Variants in CAMKMT observed in about 807,000 individuals in gnomAD.
CAMKMT encodes the protein calmodulin-lysine N-methyltransferase, also known as CaM KMT.
CAMKMT carries 53 observed loss-of-function variants against 48.0 expected under a neutral mutation model. The ratio of observed to expected loss-of-function variants is 1.10; its 90% confidence interval spans 0.89 to 1.39. The LOEUF (loss-of-function observed/expected upper bound fraction) is 1.39. Ranked by LOEUF, CAMKMT falls within the 40% of genes most tolerant of loss-of-function variation. The probability of loss-of-function intolerance (pLI) is 0.00; values close to 1 mark genes in which losing one functional copy is unlikely to be tolerated. For synonymous variants in CAMKMT, 165 were observed against 152.3 expected (o/e 1.08, Z -0.61); for missense variants, 428 against 402.7 (o/e 1.06, Z -0.54).
At chr2:44,583,019 A>G (rs1479614631) in intron 3 of CAMKMT, among the ~76,000 whole-genome samples, 2 of 152,026 alleles carry the variant, frequency 1.3e-5, no homozygotes, top group Admixed American at 1.3e-4. Flanking sequence ...TTGTTCTGAT[A>G]CTCCCCACAA....
intron 7 of CAMKMT, among the ~76,000 whole-genome samples, chr2:44,737,935 A>C (rs1436662233): frequency 6.6e-6 from 1 of 151,014 alleles, no homozygotes; most frequent in Non-Finnish European, 1.5e-5. Context: ...GGCTCACTAC[A>C]ACCTCTGCCT....
At chr2:44,765,534 A>ATT (rs1680803962) in intron 9 of CAMKMT, among the ~76,000 whole-genome samples, 9 of 122,410 alleles carry the variant, frequency 7.4e-5, no homozygotes, top group African/African-American at 2.1e-4. Flanking sequence ...TTTTTTTTAA[A>ATT]AAAAAAAAAG....
At chr2:44,498,090 T>C (rs1304402842) in intron 3 of CAMKMT, among the ~76,000 whole-genome samples, 1 of 152,154 alleles carries the variant, frequency 6.6e-6, no homozygotes, top group African/African-American at 2.4e-5. Context: ...TTTATATTTT[T>C]ACCCTGTGGA....
intron 3 of CAMKMT, among the ~76,000 whole-genome samples, chr2:44,696,915 A>G (rs986127461): frequency 2.6e-5 from 4 of 152,176 alleles, no homozygotes; most frequent in African/African-American, 9.6e-5. Context: ...AATGACCATC[A>G]ATAACAATAG....
chr2:44,709,287 G>T (rs1357998995), intron 6 of CAMKMT, among the ~76,000 whole-genome samples: 8 of 152,280 alleles, frequency 5.3e-5, no homozygotes, highest in Admixed American at 2.0e-4. Context: ...ATAGCGGGGT[G>T]CCAAAGGGCA....
intron 3 of CAMKMT, among the ~76,000 whole-genome samples, chr2:44,480,859 T>C (rs1039173686): frequency 6.6e-6 from 1 of 152,060 alleles, no homozygotes; most frequent in Non-Finnish European, 1.5e-5. Flanking sequence ...AAAACATACA[T>C]ATTTATATGT....
chr2:44,659,075 G>GTTT lies in CAMKMT; in HGVS notation c.377-45187_377-45185dup, dbSNP rs1192483405. Among the ~76,000 whole-genome samples the GTTT allele has an allele frequency of 1.8e-3, 154 of 86,284 alleles. 2 individuals carry two copies. Among genetic ancestry groups the GTTT allele is most frequent in the Middle Eastern group, 7.4e-3 (1 of 136 alleles). The allele number at this position is 86,284 out of a possible 152,430, so 56.6% of individuals were successfully genotyped here. A position where few individuals can be genotyped will look rare whatever the true frequency, so the allele number is the denominator to read the frequency against. On this transcript the variant is annotated intron_variant, in intron 3 of 10. Transcript: ENST00000378494. Reference sequence around the variant, plus strand: ...AAAACCACTTTTGTGTGTGTGTGTAGTTTTTTTTTTTTTTTTTTTTTTTGG... The same window carrying GTTT: ...AAAACCACTTTTGTGTGTGTGTGTAGTTTTTTTTTTTTTTTTTTTTTTTTTTGG...
At chr2:44,393,587 T>G (rs1303271244) in intron 3 of CAMKMT, 1 of 152,236 alleles carries the variant, frequency 6.6e-6, no homozygotes, top group Non-Finnish European at 1.5e-5. Context: ...TTTTGAGATA[T>G]CAAAGCTTCT....
At chr2:44,557,651 G>T (rs906346567) in intron 3 of CAMKMT, among the ~76,000 whole-genome samples, 1 of 152,100 alleles carries the variant, frequency 6.6e-6, no homozygotes, top group Non-Finnish European at 1.5e-5. Flanking sequence ...CTTTAGAGAA[G>T]CTTGAGAAAA....
At chr2:44,466,065 G>A (rs1025271209) in intron 3 of CAMKMT, among the ~76,000 whole-genome samples, 1 of 151,932 alleles carries the variant, frequency 6.6e-6, no homozygotes, top group South Asian at 2.1e-4. Flanking sequence ...GGAAGAAATA[G>A]TAACGCAGTT....
At chr2:44,761,159 C>T (rs1264305665) in intron 9 of CAMKMT, among the ~76,000 whole-genome samples, 2 of 152,094 alleles carry the variant, frequency 1.3e-5, no homozygotes, top group African/African-American at 4.8e-5. Context: ...TCAGCAAAGG[C>T]GTCACAAGGG....
chr2:44,722,286 A>G (rs1455981733), intron 7 of CAMKMT, among the ~76,000 whole-genome samples: 3 of 148,274 alleles, frequency 2.0e-5, no homozygotes, highest in East Asian at 4.0e-4. Flanking sequence ...TGGTAACTAT[A>G]TTTAACCTCT....
At chr2:44,575,509 A>G (rs1669168108) in intron 3 of CAMKMT, among the ~76,000 whole-genome samples, 1 of 152,024 alleles carries the variant, frequency 6.6e-6, no homozygotes, top group African/African-American at 2.4e-5. Flanking sequence ...TTTTTTCTGT[A>G]TGGCTTTACC....
chr2:44,699,027 C>T (rs1229759125), intron 3 of CAMKMT, among the ~76,000 whole-genome samples: 2 of 152,186 alleles, frequency 1.3e-5, no homozygotes, highest in African/African-American at 4.8e-5. Context: ...GAGATTGCAG[C>T]AATTCAGTCA....
At chr2:44,756,203 G>C (rs1001330421) in intron 9 of CAMKMT, among the ~76,000 whole-genome samples, 1 of 152,246 alleles carries the variant, frequency 6.6e-6, no homozygotes, top group Non-Finnish European at 1.5e-5. Context: ...CCCACATCCT[G>C]TGTTGATGGG....
intron 3 of CAMKMT, among the ~76,000 whole-genome samples, chr2:44,649,423 A>G (rs1360584658): frequency 1.3e-5 from 2 of 152,062 alleles, no homozygotes; most frequent in African/African-American, 4.8e-5. Flanking sequence ...TGTGATCTGG[A>G]TTAAAAATAA....
chr2:44,645,935 A>T (rs1397897516), intron 3 of CAMKMT, among the ~76,000 whole-genome samples: 1 of 152,224 alleles, frequency 6.6e-6, no homozygotes, highest in Non-Finnish European at 1.5e-5. Context: ...AAAAGAAATT[A>T]TCTTTGCTCA....
chr2:44,423,731 T>TA (rs1684082730), intron 3 of CAMKMT, among the ~76,000 whole-genome samples: 2 of 152,208 alleles, frequency 1.3e-5, no homozygotes, highest in Admixed American at 6.5e-5. Context: ...GCTCAGTTTT[T>TA]AAAATCAAAG....
chr2:44,553,501 T>C lies in CAMKMT; in HGVS notation c.377-150782T>C, dbSNP rs1242530132. ...TAAGACTCCTGAGTAGCTGCGACTA[T>C]AGGCATGGGCCACCACACCCCACTA... is the stretch of plus-strand genomic sequence containing the variant. On this transcript the variant is annotated intron_variant, in intron 3 of 10. Transcript: ENST00000378494. 2.6e-5 allele frequency among the ~76,000 whole-genome samples: 4 copies of C among 152,036 alleles called. No individual in the cohort carries two copies. In the East Asian group the frequency reaches 5.8e-4, roughly 22 times the overall value.
Sources: allele counts gnomAD v4.1 joint callset (sites outside exome capture counted in the v4.1 genomes callset), GRCh38; gene constraint gnomAD v4.1.1; transcripts MANE v1.5; gene names NCBI Gene and HGNC (gene_info 2026-07-23, HGNC 2026-07-21).